Variants in ASAP1 observed in about 807,000 individuals in gnomAD.
ASAP1 encodes ArfGAP with SH3 domain, ankyrin repeat and PH domain 1.
A neutral mutation model predicts 145.2 loss-of-function variants in ASAP1; 43 were observed. The observed-to-expected ratio is 0.30, with a 90% CI of 0.23 to 0.38. ASAP1 has a LOEUF of 0.38. Ranked by LOEUF, ASAP1 falls within the 10% of genes least tolerant of loss-of-function variation. The pLI is 1.00. For missense variants in ASAP1, 1,018 were observed against 1,355.3 expected (o/e 0.75, Z 3.91); for synonymous variants, 546 against 515.5 (o/e 1.06, Z -0.80).
chr8:130,114,091 C>G (rs2097550939), intron 23 of ASAP1, among the ~76,000 whole-genome samples: 1 of 152,130 alleles, frequency 6.6e-6, no homozygotes, highest in African/African-American at 2.4e-5. Flanking sequence ...TATGGACTTT[C>G]AATAAAGATG....
At chr8:130,441,422 C>G (rs926021673) in intron 1 of ASAP1, among the ~76,000 whole-genome samples, 49 of 152,178 alleles carry the variant, frequency 3.2e-4, no homozygotes, top group Admixed American at 3.1e-3. Context: ...TAGAAAAGAC[C>G]TTCCGGAGCC....
intron 3 of ASAP1, among the ~76,000 whole-genome samples, chr8:130,345,967 A>G (rs1825680449): frequency 6.6e-6 from 1 of 152,224 alleles, no homozygotes; most frequent in African/African-American, 2.4e-5. Context: ...GAAATTTAGT[A>G]ACTGTGGGTT....
At chr8:130,320,066 T>C (rs1823904888) in intron 3 of ASAP1, among the ~76,000 whole-genome samples, 1 of 152,244 alleles carries the variant, frequency 6.6e-6, no homozygotes, top group Non-Finnish European at 1.5e-5. Context: ...CTTTTCTGTA[T>C]TTTCCACATT....
intron 1 of ASAP1, among the ~76,000 whole-genome samples, chr8:130,430,734 A>C (rs181712350): frequency 5.3e-5 from 8 of 152,314 alleles, no homozygotes; most frequent in African/African-American, 1.7e-4. Context: ...GCTGGACTGC[A>C]GACACTGGGA....
Position 130,232,780 on chromosome 8 carries a change from C to T in ASAP1, c.259+4142G>A, listed in dbSNP as rs973581460. Among the ~76,000 whole-genome samples, 3 of 152,254 alleles carry T rather than the reference C, an allele frequency of 2.0e-5. No individual in the cohort carries two copies. The South Asian group carries it at 6.2e-4, about 32-fold the overall frequency. On this transcript the variant is annotated intron_variant, in intron 4 of 29. Coordinates refer to ENST00000518721, the MANE Select transcript of ASAP1 (RefSeq NM_018482.4). ...AAGCTGAGTGATTGGTAATCTCCAA[C>T]CAGAAATATAGAAATCCTTTTTAAA...
intron 9 of ASAP1, among the ~76,000 whole-genome samples, chr8:130,173,697 G>A (rs1018088295): frequency 4.6e-5 from 7 of 151,704 alleles, no homozygotes; most frequent in African/African-American, 1.7e-4. Context: ...GAACCCAGGA[G>A]GTTGAAGCTG....
rs905755447 is a variant in ASAP1 at position 130,366,886 on chromosome 8, C to CTTTTTTTTTTTTTTTT, written c.60-8759_60-8744dup. ...TCTAAACAGGTACTATGCTAGATTC[C>CTTTTTTTTTTTTTTTT]TTTTTTTTTTTTTTTTTTTTTTGAG... is the stretch of plus-strand genomic sequence containing the variant. On this transcript the variant is annotated intron_variant, in intron 2 of 29. Transcript: ENST00000518721. Among the ~76,000 whole-genome samples, 68 of 99,194 alleles carry CTTTTTTTTTTTTTTTT rather than the reference C, an allele frequency of 6.9e-4. 6 individuals carry two copies. Among genetic ancestry groups the CTTTTTTTTTTTTTTTT allele is most frequent in the South Asian group, 3.1e-3 (7 of 2,280 alleles). 65.1% of individuals were successfully genotyped at this position (99,194 alleles called of 152,430 possible). A position where few individuals can be genotyped will look rare whatever the true frequency, so the allele number is the denominator to read the frequency against.
chr8:130,120,396 G>A (rs2097563887), intron 18 of ASAP1, among the ~76,000 whole-genome samples: 1 of 152,222 alleles, frequency 6.6e-6, no homozygotes, highest in African/African-American at 2.4e-5. Flanking sequence ...GGTAAATCAA[G>A]TTCTCACTGA....
chr8:130,122,060 G>C (rs2097567116), intron 18 of ASAP1, among the ~76,000 whole-genome samples: 1 of 151,960 alleles, frequency 6.6e-6, no homozygotes, highest in Admixed American at 6.6e-5. Context: ...CCAGCTGCCT[G>C]GCTGCTTCCC....
chr8:130,068,973 A>G (rs577873277), intron 27 of ASAP1, among the ~76,000 whole-genome samples: 10 of 152,288 alleles, frequency 6.6e-5, no homozygotes, highest in Non-Finnish European at 1.3e-4. Flanking sequence ...GCTTCCCTTC[A>G]TGGGTCTTAT....
intron 9 of ASAP1, among the ~76,000 whole-genome samples, chr8:130,170,416 A>C (rs1380607423): frequency 6.6e-6 from 1 of 152,100 alleles, no homozygotes; most frequent in African/African-American, 2.4e-5. Context: ...CGGCCTCCCA[A>C]AATGCTGGGA....
chr8:130,244,788 T>A (rs1356092393), intron 3 of ASAP1, among the ~76,000 whole-genome samples: 1 of 152,126 alleles, frequency 6.6e-6, no homozygotes, highest in Non-Finnish European at 1.5e-5. Context: ...CCAGGTGCTG[T>A]CCTAGGTCAT....
chr8:130,066,520 C>G (rs1482558561), intron 27 of ASAP1, among the ~76,000 whole-genome samples: 2 of 152,088 alleles, frequency 1.3e-5, no homozygotes. Context: ...CTATTTCTTT[C>G]TTTTCTTTCT....
At position 130,153,824 on chromosome 8, in the gene ASAP1, GTTT is replaced by G. The variant is rs577032458; in HGVS notation, c.1011-1022_1011-1020del. Among the ~76,000 whole-genome samples, 574 of 152,264 alleles carry G rather than the reference GTTT, an allele frequency of 3.8e-3. 1 individual carries two copies. Among genetic ancestry groups the G allele is most frequent in the Non-Finnish European group, 6.2e-3 (419 of 68,014 alleles). ...TGTTGGGGGTGGTGTTAATTAAGTA[GTTT>G]TCAATCATATCTGTGAATCTTTCAT... On this transcript the variant is annotated intron_variant, in intron 12 of 29. Transcript: ENST00000518721.
At chr8:130,393,774 C>T (rs1239844071) in intron 2 of ASAP1, among the ~76,000 whole-genome samples, 2 of 152,078 alleles carry the variant, frequency 1.3e-5, no homozygotes, top group African/African-American at 2.4e-5. Context: ...TCAGGGACCC[C>T]AAACAGAGGG....
At chr8:130,160,654 C>T (rs2136020266) in intron 11 of ASAP1, 1 of 438,364 alleles carries the variant, frequency 2.3e-6, no homozygotes, top group South Asian at 2.1e-5. Context: ...CTAAGGACTA[C>T]ATGACTAGAA....
intron 3 of ASAP1, among the ~76,000 whole-genome samples, chr8:130,300,086 T>C (rs1012216945): frequency 6.9e-6 from 1 of 145,158 alleles, no homozygotes; most frequent in Admixed American, 7.0e-5. Flanking sequence ...ATACAGTTTC[T>C]TGGCCAAACA....
chr8:130,119,145 T>C (rs1313113014), intron 18 of ASAP1, among the ~76,000 whole-genome samples: 2 of 152,226 alleles, frequency 1.3e-5, no homozygotes, highest in African/African-American at 2.4e-5. Context: ...GGTCTCGCTA[T>C]GTTGCCCAGG....
At chr8:130,167,109 G>A (rs768615475) in intron 11 of ASAP1, among the ~76,000 whole-genome samples, 2 of 152,038 alleles carry the variant, frequency 1.3e-5, no homozygotes, top group Non-Finnish European at 2.9e-5. Context: ...TTCAAGACCA[G>A]CCAGGGCAAC....
Sources: allele counts gnomAD v4.1 joint callset (sites outside exome capture counted in the v4.1 genomes callset), GRCh38; gene constraint gnomAD v4.1.1; transcripts MANE v1.5; gene names NCBI Gene and HGNC (gene_info 2026-07-23, HGNC 2026-07-21).